Variants in ADGRB1 observed in about 807,000 individuals in gnomAD.
The protein encoded by ADGRB1 is brain-specific angiogenesis inhibitor 1.
Under a neutral mutation model 175.7 loss-of-function variants are expected in ADGRB1, and 36 were observed. That is an observed-to-expected ratio of 0.20 (90% CI 0.16 to 0.27). The LOEUF is 0.27. Among genes scored for constraint, ADGRB1 ranks in the 10% least tolerant of loss-of-function variants. The pLI, the probability that ADGRB1 is intolerant of heterozygous loss-of-function variation, is 1.00. For synonymous variants in ADGRB1, 1,054 were observed against 979.4 expected, an observed-to-expected ratio of 1.08 and a Z score of -1.42; for missense variants, 1,731 against 2,255.3, an observed-to-expected ratio of 0.77 and a Z score of 4.71.
chr8:142,512,456 C>T (rs1164055047), intron 18 of ADGRB1, among the ~76,000 whole-genome samples: 1 of 152,340 alleles, frequency 6.6e-6, no homozygotes, highest in East Asian at 1.9e-4. Context: ...CTCCAGTCTC[C>T]GGGTGCTGCT....
intron 1 of ADGRB1, among the ~76,000 whole-genome samples, chr8:142,454,110 C>T (rs114780223): frequency 0.037 from 5,629 of 152,192 alleles, 121 homozygotes; most frequent in East Asian, 0.086. Flanking sequence ...GATGGGGATG[C>T]CAAAGAGATG....
At position 142,511,884 on chromosome 8, in the gene ADGRB1, C is replaced by T. The variant is rs1237882540; in HGVS notation, c.2817+811C>T. On this transcript the variant is annotated intron_variant, in intron 18 of 30. Coordinates refer to ENST00000517894, the MANE Select transcript of ADGRB1 (RefSeq NM_001702.3). This position sits in a 1 kb window ranked among gnomAD's most constrained non-coding sequence, Gnocchi z 4.5. ...CACCAAGTAACCTCCGCCCAGACCT[C>T]GTGTGGAAGCCTGGGAGGCAGCAGG... Among the ~76,000 whole-genome samples the T allele has an allele frequency of 6.6e-6, 1 of 152,242 alleles. No homozygotes were observed. Among genetic ancestry groups the T allele is most frequent in the Non-Finnish European group, 1.5e-5 (1 of 68,030 alleles).
intron 2 of ADGRB1, among the ~76,000 whole-genome samples, chr8:142,465,764 C>T (rs1208299674): frequency 1.3e-5 from 2 of 152,082 alleles, no homozygotes; most frequent in African/African-American, 2.4e-5. Flanking sequence ...AGGGAGGCTG[C>T]GAGGACGAGG....
intron 24 of ADGRB1, 104 bp downstream of exon 24, chr8:142,526,731 AG>A: frequency 8.6e-7 from 1 of 1,167,744 alleles, no homozygotes; most frequent in Non-Finnish European, 1.2e-6. Context: ...CTGAGACTGC[AG>A]GTCCAGGGAC....
At chr8:142,481,482 G>C in intron 10 of ADGRB1, 35 bp from the exon 11 acceptor site, 2 of 1,575,004 alleles carry the variant, frequency 1.3e-6, no homozygotes, top group Non-Finnish European at 1.7e-6. Flanking sequence ...ATGTTCCACA[G>C]AGGTGAAGGC....
intron 1 of ADGRB1, among the ~76,000 whole-genome samples, chr8:142,451,561 C>G (rs1055810965): frequency 6.6e-6 from 1 of 152,046 alleles, no homozygotes; most frequent in Non-Finnish European, 1.5e-5. Context: ...CCAGAGGAGC[C>G]GCTTGTCGTT....
At chr8:142,462,454 G>A (rs1005904255) in intron 1 of ADGRB1, among the ~76,000 whole-genome samples, 2 of 152,240 alleles carry the variant, frequency 1.3e-5, no homozygotes, top group African/African-American at 4.8e-5. Context: ...GTGCAGTCAG[G>A]AGCACAGCCC....
chr8:142,471,677 C>A (rs1444976764), intron 2 of ADGRB1, among the ~76,000 whole-genome samples: 1 of 152,266 alleles, frequency 6.6e-6, no homozygotes, highest in Non-Finnish European at 1.5e-5. Flanking sequence ...CGAGGCTCCT[C>A]GCTCTTAGCT....
intron 23 of ADGRB1, 21 bp from the exon 24 acceptor site, chr8:142,526,521 C>A: frequency 3.9e-6 from 6 of 1,539,334 alleles, no homozygotes; most frequent in Middle Eastern, 1.7e-4. Context: ...CCCCACACCC[C>A]CACCACTCTC....
At chr8:142,541,496 C>T (rs1055388692) in intron 27 of ADGRB1, among the ~76,000 whole-genome samples, 13 of 152,140 alleles carry the variant, frequency 8.5e-5, no homozygotes, top group Admixed American at 2.6e-4. Flanking sequence ...ACTGGGCTCC[C>T]GCACACTGCC....
chr8:142,489,465 G>T (rs113804093), intron 16 of ADGRB1, 27 bp downstream of exon 16: 4 of 1,603,712 alleles, frequency 2.5e-6, no homozygotes, highest in African/African-American at 2.7e-5. Flanking sequence ...TGCACACTCT[G>T]ATGCCAGCAG....
intron 2 of ADGRB1, among the ~76,000 whole-genome samples, chr8:142,469,444 C>T (rs1563684756): frequency 1.5e-5 from 2 of 134,206 alleles, no homozygotes; most frequent in African/African-American, 5.8e-5. Flanking sequence ...TGAGTGTGTG[C>T]ACGTGCGTGA....
chr8:142,479,174 T>C, intron 7 of ADGRB1, 149 bp from the exon 8 acceptor site: 2 of 889,368 alleles, frequency 2.2e-6, no homozygotes. Context: ...ATTTCCCTTC[T>C]TTGACCTCCT....
At position 142,464,392 on chromosome 8, in the gene ADGRB1, C is replaced by T. The variant is rs1416675835; in HGVS notation, c.194C>T (p.Ala65Val). ...FSAAAVFPAN[A>V]SRCSWTLRNP... ...GCGGCCGCCGTGTTCCCGGCCAACG[C>T]CTCGCGCTGCTCCTGGACGCTACGC... Residue 65 changes from alanine (A) to valine (V), a missense_variant, in exon 2 of 31, where the codon GCC becomes GTC. Physicochemically the swap from Ala to Val is moderately conservative, Grantham distance 64 (BLOSUM62 0). Around this residue, in one of 8 missense-constraint regions of ADGRB1, gnomAD observed 383 missense variants for 383.1 expected, o/e 1.00. Coordinates refer to ENST00000517894, the MANE Select transcript of ADGRB1 (RefSeq NM_001702.3). 1 of 1,529,128 alleles carries T rather than the reference C, an allele frequency of 6.5e-7. No homozygotes were observed. Among genetic ancestry groups the T allele is most frequent in the Admixed American group, 2.0e-5 (1 of 49,574 alleles). 94.7% of individuals were successfully genotyped at this position (1,529,128 alleles called of 1,614,324 possible).
rs563799225 is a variant in ADGRB1, at chr8:142,534,532, C to T, written c.3570+1066C>T. 9.9e-5 allele frequency among the ~76,000 whole-genome samples: 15 copies of T among 152,284 alleles called. No individual in the cohort carries two copies. In the East Asian group the frequency reaches 2.5e-3, roughly 26 times the overall value. ...CCAGACCTCTGCGGGGAGGTGTGAA[C>T]GCCCCTCTCAAGGCAATCTGACTTC... On this transcript the variant is annotated intron_variant, in intron 25 of 30. Transcript: ENST00000517894.
At chr8:142,500,581 C>T (rs927391902) in intron 17 of ADGRB1, among the ~76,000 whole-genome samples, 1 of 151,732 alleles carries the variant, frequency 6.6e-6, no homozygotes, top group Non-Finnish European at 1.5e-5. Context: ...TCCCCAGGAG[C>T]ACAATGGCTC....
In ADGRB1 at chr8:142,464,666, C is replaced by G. The variant is rs915506479; in HGVS notation, c.468C>G (p.Leu156=). 21 of 1,522,692 alleles carry G rather than the reference C, an allele frequency of 1.4e-5. No homozygotes were observed. Among genetic ancestry groups the G allele is most frequent in the Non-Finnish European group, 1.8e-5 (20 of 1,140,854 alleles). The allele number at this position is 1,522,692 out of a possible 1,614,324, so 94.3% of individuals were successfully genotyped here. A position where few individuals can be genotyped will look rare whatever the true frequency, so the allele number is the denominator to read the frequency against. The change falls in exon 2 of 31, where the codon CTC becomes CTG. Residue 156 remains leucine (L), a synonymous_variant. Coordinates refer to ENST00000517894, the MANE Select transcript of ADGRB1 (RefSeq NM_001702.3). ...AGCAGCCGCCCCAGCACGACGGGCT[C>G]CGGCCCCGGGCCGGGCCGCCGGGCC... is the stretch of plus-strand genomic sequence containing the variant. The part of the protein sequence containing the change: ...RRQQPPQHDG[L]RPRAGPPGPT...
In ADGRB1 at chr8:142,464,482, GC is replaced by G; in HGVS notation, c.288del (p.Gly97AlafsTer140). 1 of 1,581,316 alleles carries G rather than the reference GC, an allele frequency of 6.3e-7. No individual in the cohort carries two copies. Among genetic ancestry groups the G allele is most frequent in the Non-Finnish European group, 8.6e-7 (1 of 1,168,398 alleles). On this transcript the variant is annotated frameshift_variant, in exon 2 of 31. Coordinates refer to ENST00000517894, the MANE Select transcript of ADGRB1 (RefSeq NM_001702.3). LOFTEE classifies it high-confidence loss of function. The part of the protein sequence containing the change: ...KVAKAPVPCS[G>X]PGRVRTYQFD... ...GCCAAGGCGCCCGTGCCCTGCAGCG[GC>G]CCCGGCCGCGTGCGCACCTACCAGT...
intron 25 of ADGRB1, among the ~76,000 whole-genome samples, chr8:142,536,019 G>T (rs985457207): frequency 1.3e-5 from 2 of 152,106 alleles, no homozygotes; most frequent in African/African-American, 4.8e-5. Flanking sequence ...AGAGGGGTGG[G>T]CTGGGTGTGC....
Sources: gnomAD v4.1 joint callset for allele counts (sites outside exome capture counted in the v4.1 genomes callset) on GRCh38, gnomAD v4.1.1 for gene constraint, gnomAD v4.1.1 regional missense constraint, Gnocchi (gnomAD v3.1) non-coding constraint, MANE v1.5 for transcripts, NCBI Gene and HGNC (gene_info 2026-07-23, HGNC 2026-07-21) for gene names.